Variants in PAIP2 observed in about 807,000 individuals in gnomAD.
The protein encoded by PAIP2 is polyadenylate-binding protein-interacting protein 2.
In PAIP2, 7 loss-of-function variants were observed where a neutral mutation model predicts 14.8. That is an observed-to-expected ratio of 0.47 (90% CI 0.27 to 0.89). The LOEUF is 0.89. Ranked by LOEUF, PAIP2 falls within the 40% of genes least tolerant of loss-of-function variation. The probability of loss-of-function intolerance (pLI) is 0.13; values close to 1 mark genes in which losing one functional copy is unlikely to be tolerated. For missense variants in PAIP2, 122 were observed against 154.7 expected (o/e 0.79, Z 1.12); for synonymous variants, 47 against 45.3 (o/e 1.04, Z -0.15).
intron 1 of PAIP2, among the ~76,000 whole-genome samples, chr5:139,351,139 G>A (rs1756718783): frequency 6.6e-6 from 1 of 152,068 alleles, no homozygotes; most frequent in Non-Finnish European, 1.5e-5. Flanking sequence ...ATAATATCTG[G>A]GATTGTTGAA....
intron 1 of PAIP2, among the ~76,000 whole-genome samples, chr5:139,363,475 C>CTT (rs1009639309): frequency 6.6e-6 from 1 of 152,088 alleles, no homozygotes; most frequent in Admixed American, 6.6e-5. Flanking sequence ...AATCCCAGCA[C>CTT]TTTGAGAGGC....
At chr5:139,351,524 AAAC>A (rs1267248431) in intron 1 of PAIP2, among the ~76,000 whole-genome samples, 1 of 152,246 alleles carries the variant, frequency 6.6e-6, no homozygotes, top group Non-Finnish European at 1.5e-5. Flanking sequence ...GTGTTTATAT[AAAC>A]AAAGAATTAT....
rs1459287828 is a variant in PAIP2 at position 139,369,225 on chromosome 5, A to G, written c.*427A>G. ...TATGTCCCCATCAAAAAGAATCTCC[A>G]TTTTCTGAAGGTCTGTTAGTTAATT... On this transcript the variant is annotated 3_prime_UTR_variant, in exon 4 of 4. Transcript: ENST00000265192. 1 of 153,700 alleles carries G rather than the reference A, an allele frequency of 6.5e-6. No homozygotes were observed. The highest frequency in any genetic ancestry group is 1.5e-5 in the Non-Finnish European group (1 of 68,950). The allele number at this position is 153,700 out of a possible 1,614,324, so 9.5% of individuals were successfully genotyped here.
chr5:139,369,116 C>T lies in PAIP2; in HGVS notation c.*318C>T, dbSNP rs1385303419. The T allele has an allele frequency of 9.9e-6, 2 of 202,274 alleles. No individual in the cohort carries two copies. The highest frequency in any genetic ancestry group is 2.0e-5 in the Non-Finnish European group (2 of 100,996). 12.5% of individuals were successfully genotyped at this position (202,274 alleles called of 1,614,324 possible). A position where few individuals can be genotyped will look rare whatever the true frequency, so the allele number is the denominator to read the frequency against. ...TTGTCTTTTTTTGAGGCTAATCTAT[C>T]ACTTGTTAATGTCTAAACTTTAAAA... On this transcript the variant is annotated 3_prime_UTR_variant, in exon 4 of 4. Transcript: ENST00000265192.
intron 1 of PAIP2, among the ~76,000 whole-genome samples, chr5:139,345,386 A>G (rs537798972): frequency 6.6e-6 from 1 of 152,248 alleles, no homozygotes; most frequent in Admixed American, 6.5e-5. Context: ...AAATAGTAAA[A>G]CAAAAAATTC....
At chr5:139,346,772 C>T (rs1267693115) in intron 1 of PAIP2, among the ~76,000 whole-genome samples, 1 of 152,048 alleles carries the variant, frequency 6.6e-6, no homozygotes, top group African/African-American at 2.4e-5. Context: ...TCGTGATCCA[C>T]CCCCTTTGGC....
At chr5:139,365,357 A>C (rs1032527936) in intron 3 of PAIP2, among the ~76,000 whole-genome samples, 1 of 150,836 alleles carries the variant, frequency 6.6e-6, no homozygotes. Context: ...GTGGTGGTGC[A>C]TGCCTGTAAG....
intron 1 of PAIP2, among the ~76,000 whole-genome samples, chr5:139,356,221 G>T (rs1756908472): frequency 6.6e-6 from 1 of 151,976 alleles, no homozygotes; most frequent in Non-Finnish European, 1.5e-5. Context: ...ACCAAGGCAG[G>T]CGGATCACAA....
intron 3 of PAIP2, among the ~76,000 whole-genome samples, chr5:139,368,203 C>T (rs968736653): frequency 7.9e-5 from 12 of 151,886 alleles, no homozygotes; most frequent in African/African-American, 2.4e-4. Context: ...CTGGGCGTGG[C>T]GGTGGGCGCC....
chr5:139,368,569 T>C (rs926589029), intron 3 of PAIP2, among the ~76,000 whole-genome samples, 164 bp from the exon 4 acceptor site: 5 of 151,700 alleles, frequency 3.3e-5, no homozygotes, highest in East Asian at 1.9e-4. Flanking sequence ...TAATATGATA[T>C]ATAGCTTACA....
chr5:139,357,590 T>C (rs1756952156), intron 1 of PAIP2, among the ~76,000 whole-genome samples: 1 of 152,138 alleles, frequency 6.6e-6, no homozygotes, highest in Admixed American at 6.6e-5. Context: ...CCAAACACTC[T>C]GGGAGGCTGA....
At chr5:139,362,214 TTTG>T (rs138469979) in intron 1 of PAIP2, among the ~76,000 whole-genome samples, 60 of 151,786 alleles carry the variant, frequency 4.0e-4, no homozygotes, top group African/African-American at 8.9e-4. Flanking sequence ...GTGTTTGGTT[TTTG>T]TTGTTGTTGT....
chr5:139,355,474 T>A (rs1756880944), intron 1 of PAIP2, among the ~76,000 whole-genome samples: 1 of 152,162 alleles, frequency 6.6e-6, no homozygotes, highest in Non-Finnish European at 1.5e-5. Flanking sequence ...GGCCCACTAT[T>A]TGTCTCTACT....
At chr5:139,354,173 TG>T (rs1756837607) in intron 1 of PAIP2, among the ~76,000 whole-genome samples, 1 of 152,244 alleles carries the variant, frequency 6.6e-6, no homozygotes, top group South Asian at 2.1e-4. Flanking sequence ...CATTTCAGCC[TG>T]AACGACTCAC....
intron 1 of PAIP2, among the ~76,000 whole-genome samples, chr5:139,353,975 G>A (rs1255542399): frequency 6.6e-6 from 1 of 152,094 alleles, no homozygotes; most frequent in African/African-American, 2.4e-5. Context: ...ACCCACTTCG[G>A]CCTCCCAAAG....
At chr5:139,362,203 C>G (rs189348183) in intron 1 of PAIP2, among the ~76,000 whole-genome samples, 3 of 151,800 alleles carry the variant, frequency 2.0e-5, no homozygotes, top group African/African-American at 4.8e-5. Flanking sequence ...TCTTTCAGAC[C>G]GTGTTTGGTT....
intron 3 of PAIP2, among the ~76,000 whole-genome samples, chr5:139,367,942 G>A (rs1221271189): frequency 1.3e-5 from 2 of 152,202 alleles, no homozygotes; most frequent in Non-Finnish European, 2.9e-5. Context: ...AGTGGCTCAC[G>A]CCTGTAGTCC....
chr5:139,365,179 A>AAATAG (rs1554156859), intron 3 of PAIP2: 1 of 140,666 alleles, frequency 7.1e-6, no homozygotes, highest in African/African-American at 2.6e-5. Flanking sequence ...ATAAATAAAT[A>AAATAG]AATAGAATAA....
At chr5:139,356,533 G>A (rs1008307574) in intron 1 of PAIP2, among the ~76,000 whole-genome samples, 4 of 151,944 alleles carry the variant, frequency 2.6e-5, no homozygotes, top group African/African-American at 9.7e-5. Context: ...TTTTTTGCCT[G>A]TGTATGGGCC....
Sources: allele counts gnomAD v4.1 joint callset (sites outside exome capture counted in the v4.1 genomes callset), GRCh38; gene constraint gnomAD v4.1.1; transcripts MANE v1.5; gene names NCBI Gene and HGNC (gene_info 2026-07-23, HGNC 2026-07-21).